ARF5: variants seen among roughly 807,000 people sequenced by gnomAD.
ARF5 encodes ADP-ribosylation factor 5.
A neutral mutation model predicts 24.8 loss-of-function variants in ARF5; 10 were observed. That is an observed-to-expected ratio of 0.40 (90% confidence interval 0.25 to 0.68). The LOEUF is 0.68. Among genes scored for constraint, ARF5 ranks in the 30% least tolerant of loss-of-function variants. ARF5 has a pLI of 0.36. For missense variants in ARF5, 135 were observed against 239.2 expected, an observed-to-expected ratio of 0.56 and a Z score of 2.87; for synonymous variants, 102 against 95.1, an observed-to-expected ratio of 1.07 and a Z score of -0.42.
At chr7:127,591,177 C>G in intron 5 of ARF5, 36 bp from the exon 6 acceptor site, 5 of 1,606,554 alleles carry the variant, frequency 3.1e-6, no homozygotes, top group Non-Finnish European at 4.2e-6. Flanking sequence ...CCTTTTGTTC[C>G]TGGTTGCTGA....
At chr7:127,588,724 C>G in intron 1 of ARF5, 159 bp downstream of exon 1, 1 of 751,906 alleles carries the variant, frequency 1.3e-6, no homozygotes, top group Non-Finnish European at 2.0e-6. Flanking sequence ...TCCCGGTCTG[C>G]ATCGCCGACC....
chr7:127,589,627 C>A (rs779899044), intron 3 of ARF5, 33 bp downstream of exon 3: 7 of 1,527,340 alleles, frequency 4.6e-6, no homozygotes, highest in Non-Finnish European at 6.3e-6. Flanking sequence ...TCTAACCCCA[C>A]GGGAAAAGGT....
In ARF5 at chr7:127,588,658, C is replaced by G. The variant is rs2117413613; in HGVS notation, c.67+93C>G. On this transcript the variant is annotated intron_variant, in intron 1 of 5. Coordinates refer to ENST00000000233, the MANE Select transcript of ARF5 (RefSeq NM_001662.4). ...TCCCTCCAGCCCCGCTCACCTGGGT[C>G]TCTGGCCCCGAGTCACCCACCTCAT... 4.2e-6 allele frequency: 5 copies of G among 1,192,366 alleles called. No homozygotes were observed. The East Asian group carries it at 1.6e-4, about 38-fold the overall frequency. The allele number at this position is 1,192,366 out of a possible 1,614,324, so 73.9% of individuals were successfully genotyped here. A position where few individuals can be genotyped will look rare whatever the true frequency, so the allele number is the denominator to read the frequency against.
At position 127,591,555 on chromosome 7, in the gene ARF5, AGAG is replaced by A; in HGVS notation, c.*263_*265del. The A allele has an allele frequency of 2.1e-6, 1 of 467,176 alleles. No homozygotes were observed. Among genetic ancestry groups the A allele is most frequent in the Non-Finnish European group, 3.7e-6 (1 of 266,762 alleles). 28.9% of individuals were successfully genotyped at this position (467,176 alleles called of 1,614,324 possible). A position where few individuals can be genotyped will look rare whatever the true frequency, so the allele number is the denominator to read the frequency against. ...CTTCCTGGCCAAGGCCCCCTCTTCC[AGAG>A]GAGGAGCAGGGATCTGGGTTTCCTT... On this transcript the variant is annotated 3_prime_UTR_variant, in exon 6 of 6. Coordinates refer to ENST00000000233, the MANE Select transcript of ARF5 (RefSeq NM_001662.4).
rs923082419 is a variant in ARF5 at position 127,591,408 on chromosome 7, C to A, written c.*109C>A. Reference sequence around the variant, plus strand: ...CCCTTTCCTCCCACTTTTCCTCCCCCATAGCCACAGGCCTCTGCTCCTGCT... The same window carrying A: ...CCCTTTCCTCCCACTTTTCCTCCCCAATAGCCACAGGCCTCTGCTCCTGCT... On this transcript the variant is annotated 3_prime_UTR_variant, in exon 6 of 6. Coordinates refer to ENST00000000233, the MANE Select transcript of ARF5 (RefSeq NM_001662.4). 1.0e-6 allele frequency: 1 copy of A among 955,762 alleles called. No homozygotes were observed. The highest frequency in any genetic ancestry group is 1.5e-6 in the Non-Finnish European group (1 of 661,780). The allele number at this position is 955,762 out of a possible 1,614,324, so 59.2% of individuals were successfully genotyped here. A position where few individuals can be genotyped will look rare whatever the true frequency, so the allele number is the denominator to read the frequency against.
Position 127,591,345 on chromosome 7 carries a change from C to G in ARF5, c.*46C>G. ...GATGCCCGGAAGCTCCTGCGTGCAT[C>G]CCCGGGATGACCAGACTCCCGGACT... On this transcript the variant is annotated 3_prime_UTR_variant, in exon 6 of 6. Transcript: ENST00000000233. The G allele has an allele frequency of 6.7e-7, 1 of 1,499,056 alleles. No homozygotes were observed. Among genetic ancestry groups the G allele is most frequent in the Non-Finnish European group, 8.9e-7 (1 of 1,119,872 alleles). 92.9% of individuals were successfully genotyped at this position (1,499,056 alleles called of 1,614,324 possible). A position where few individuals can be genotyped will look rare whatever the true frequency, so the allele number is the denominator to read the frequency against.
chr7:127,590,197 G>C, intron 4 of ARF5, 60 bp downstream of exon 4: 1 of 1,413,198 alleles, frequency 7.1e-7, no homozygotes, highest in Non-Finnish European at 1.0e-6. Flanking sequence ...GATCTCTGTA[G>C]TGGTATAGAA....
rs1167783164 is a variant in ARF5, at chr7:127,591,487, CAG to C, written c.*191_*192del. ...AGCCTGGAGCCTTGCTCTCTGGGCACAGAGGGGTCCACTCTCCTGCCTGCTGG... is the reference window on the plus strand; with the variant it reads ...AGCCTGGAGCCTTGCTCTCTGGGCACAGGGGTCCACTCTCCTGCCTGCTGG... On this transcript the variant is annotated 3_prime_UTR_variant, in exon 6 of 6. Transcript: ENST00000000233. The C allele has an allele frequency of 2.7e-5, 15 of 559,282 alleles. No individual in the cohort carries two copies. The highest frequency in any genetic ancestry group is 4.6e-5 in the Non-Finnish European group (15 of 328,350). 34.6% of individuals were successfully genotyped at this position (559,282 alleles called of 1,614,324 possible).
chr7:127,588,803 A>G (rs1794241705), intron 1 of ARF5: 2 of 569,876 alleles, frequency 3.5e-6, no homozygotes, highest in Admixed American at 3.5e-5. Flanking sequence ...CCCGGCTGGT[A>G]AGAAGGGAGG....
At chr7:127,588,606 C>T (rs907389528) in intron 1 of ARF5, 41 bp downstream of exon 1, 3 of 1,307,860 alleles carry the variant, frequency 2.3e-6, no homozygotes, top group South Asian at 2.2e-5. Flanking sequence ...GGGGCGCCGG[C>T]CCCGGCGCAG....
At position 127,591,549 on chromosome 7, in the gene ARF5, T is replaced by G; in HGVS notation, c.*250T>G. On this transcript the variant is annotated 3_prime_UTR_variant, in exon 6 of 6. Transcript: ENST00000000233. ...AAGGGGCTTCCTGGCCAAGGCCCCC[T>G]CTTCCAGAGGAGGAGCAGGGATCTG... 2.1e-6 allele frequency: 1 copy of G among 469,948 alleles called. No individual in the cohort carries two copies. The highest frequency in any genetic ancestry group is 3.7e-6 in the Non-Finnish European group (1 of 268,256). 29.1% of individuals were successfully genotyped at this position (469,948 alleles called of 1,614,324 possible).
chr7:127,591,273 C>T lies in ARF5; in HGVS notation c.517C>T (p.Leu173=). The change falls in exon 6 of 6, where the codon CTG becomes TTG. Residue 173 remains leucine, a synonymous_variant. Coordinates refer to ENST00000000233, the MANE Select transcript of ARF5 (RefSeq NM_001662.4). ...AGGTCTGTACGATGGTCTGGACTGG[C>T]TGTCCCACGAGCTGTCAAAGCGCTA... ...GTGLYDGLDW[L]SHELSKR 6.2e-7 allele frequency: 1 copy of T among 1,605,730 alleles called. No individual in the cohort carries two copies. Among genetic ancestry groups the T allele is most frequent in the Non-Finnish European group, 8.5e-7 (1 of 1,177,216 alleles).
Position 127,589,827 on chromosome 7 carries a change from A to G in ARF5, c.258+233A>G. On this transcript the variant is annotated intron_variant, in intron 3 of 5. Coordinates refer to ENST00000000233, the MANE Select transcript of ARF5 (RefSeq NM_001662.4). Reference sequence around the variant, plus strand: ...GACCAGGCTGCCTGATTTAGCCCTCATAACATGTCTTTATTTCCTTGCACA... The same window carrying G: ...GACCAGGCTGCCTGATTTAGCCCTCGTAACATGTCTTTATTTCCTTGCACA... 4.9e-6 allele frequency: 3 copies of G among 608,418 alleles called. No homozygotes were observed. The Admixed American group carries it at 8.8e-5, about 18-fold the overall frequency. 37.7% of individuals were successfully genotyped at this position (608,418 alleles called of 1,614,324 possible).
Position 127,590,123 on chromosome 7 carries a change from G to T in ARF5, c.316G>T (p.Glu106Ter). 6.2e-7 allele frequency: 1 copy of T among 1,613,958 alleles called. No individual in the cohort carries two copies. Residue 106 changes from glutamate (E) to a stop codon, truncating the protein, a stop_gained, in exon 4 of 6, where the codon GAA becomes TAA. Transcript: ENST00000000233. LOFTEE classifies it high-confidence loss of function. Reference protein sequence around the residue: ...DRERVQESADELQKMLQEDEL... With the variant: ...DRERVQESAD ...GGAGCGGGTCCAAGAATCTGCTGAT[G>T]AACTCCAGAAGATGGTGAGTACCCA...
intron 4 of ARF5, 76 bp from the exon 5 acceptor site, chr7:127,590,887 A>C (rs1372109383): frequency 6.6e-7 from 1 of 1,509,356 alleles, no homozygotes; most frequent in Non-Finnish European, 8.9e-7. Flanking sequence ...TCAAGATGCT[A>C]GGAGGTAGAA....
intron 2 of ARF5, 138 bp from the exon 3 acceptor site, chr7:127,589,347 A>ACCG: frequency 1.9e-6 from 2 of 1,053,992 alleles, no homozygotes; most frequent in Non-Finnish European, 2.9e-6. Context: ...CGCCCTGTTG[A>ACCG]CCGCCAGTTC....
intron 1 of ARF5, 92 bp downstream of exon 1, chr7:127,588,657 T>A (rs1172300984): frequency 5.9e-6 from 7 of 1,188,242 alleles, no homozygotes; most frequent in Admixed American, 4.1e-5. Flanking sequence ...CTCACCTGGG[T>A]CTCTGGCCCC....
chr7:127,588,645 CGCTCACCTGG>C (rs1794239713), intron 1 of ARF5, 80 bp downstream of exon 1: 1 of 1,238,514 alleles, frequency 8.1e-7, no homozygotes, highest in Non-Finnish European at 1.0e-6. Context: ...CCTCCAGCCC[CGCTCACCTGG>C]GTCTCTGGCC....
At position 127,591,335 on chromosome 7, in the gene ARF5, C is replaced by T. The variant is rs779568172; in HGVS notation, c.*36C>T. On this transcript the variant is annotated 3_prime_UTR_variant, in exon 6 of 6. Transcript: ENST00000000233. Reference sequence around the variant, plus strand: ...GCAGGCCCCTGATGCCCGGAAGCTCCTGCGTGCATCCCCGGGATGACCAGA... The same window carrying T: ...GCAGGCCCCTGATGCCCGGAAGCTCTTGCGTGCATCCCCGGGATGACCAGA... The T allele has an allele frequency of 1.7e-5, 26 of 1,527,472 alleles. 1 individual carries two copies. In the South Asian group the frequency reaches 2.3e-4, roughly 14 times the overall value. The allele number at this position is 1,527,472 out of a possible 1,614,324, so 94.6% of individuals were successfully genotyped here.
Sources: allele counts gnomAD v4.1 joint callset, GRCh38; gene constraint gnomAD v4.1.1; transcripts MANE v1.5; gene names NCBI Gene and HGNC (gene_info 2026-07-23, HGNC 2026-07-21).